XKR9: variants seen among roughly 807,000 people sequenced by gnomAD.
XKR9 encodes the protein XK related 9, also known as XK-related protein 9.
A neutral mutation model predicts 32.0 loss-of-function variants in XKR9; 32 were observed. That is an observed-to-expected ratio of 1.00 (90% CI 0.76 to 1.34). XKR9 has a LOEUF of 1.34. XKR9 is among the 40% of genes most tolerant of loss of function. XKR9 has a pLI of 0.00. For missense variants in XKR9, 546 were observed against 429.7 expected, an observed-to-expected ratio of 1.27 and a Z score of -2.39; for synonymous variants, 168 against 143.4, an observed-to-expected ratio of 1.17 and a Z score of -1.22.
chr8:71,026,943 A>G, the XKR9 span, among the ~76,000 whole-genome samples: 1 of 152,262 alleles, frequency 6.6e-6, no homozygotes, highest in Non-Finnish European at 1.5e-5. Context: ...GCATGACAAT[A>G]TTGAAAATGT....
chr8:70,861,632 G>T, the XKR9 span, among the ~76,000 whole-genome samples: 5 of 151,912 alleles, frequency 3.3e-5, no homozygotes, highest in African/African-American at 4.8e-5. Flanking sequence ...CTCTGGCCTG[G>T]GCAACAGAGT....
rs1807526498 is a variant in XKR9 at position 70,776,803 on chromosome 8, T to C, written n.353-12536T>C. ...GCCACCTTAAATTAAGAAATCTTTATAATTTTACTGATGCCTTTGATTACT... is the reference window on the plus strand; with the variant it reads ...GCCACCTTAAATTAAGAAATCTTTACAATTTTACTGATGCCTTTGATTACT... On this transcript the variant is annotated intron_variant and non_coding_transcript_variant, in intron 2 of 3. Coordinates refer to the XKR9 transcript ENST00000520273. Among the ~76,000 whole-genome samples the C allele has an allele frequency of 3.3e-5, 5 of 151,850 alleles. No individual in the cohort carries two copies. The South Asian group carries it at 1.0e-3, about 32-fold the overall frequency.
chr8:70,998,204 C>T, the XKR9 span, among the ~76,000 whole-genome samples: 9,071 of 152,196 alleles, frequency 0.06, 375 homozygotes, highest in Non-Finnish European at 0.084. Flanking sequence ...TTTTATCACC[C>T]GGTATATTTC....
the XKR9 span, among the ~76,000 whole-genome samples, chr8:70,836,546 T>C: frequency 6.6e-6 from 1 of 151,362 alleles, no homozygotes; most frequent in East Asian, 1.9e-4. Context: ...TATTTCATTA[T>C]ATAAATACAC....
the XKR9 span, among the ~76,000 whole-genome samples, chr8:70,863,214 A>T: frequency 2.0e-5 from 3 of 152,146 alleles, no homozygotes; most frequent in Non-Finnish European, 2.9e-5. Context: ...GAAGAAGAAG[A>T]AGGAGCAGCG....
chr8:70,937,334 G>T, the XKR9 span, among the ~76,000 whole-genome samples: 1 of 151,990 alleles, frequency 6.6e-6, no homozygotes, highest in Non-Finnish European at 1.5e-5. Context: ...GAACAAACAT[G>T]ATTTAACACA....
the XKR9 span, among the ~76,000 whole-genome samples, chr8:70,989,586 C>T: frequency 6.6e-6 from 1 of 152,168 alleles, no homozygotes; most frequent in African/African-American, 2.4e-5. Context: ...AATAGTAGAA[C>T]AGTGAATGAA....
chr8:70,891,245 C>T, the XKR9 span, among the ~76,000 whole-genome samples: 2 of 151,510 alleles, frequency 1.3e-5, no homozygotes, highest in Non-Finnish European at 3.0e-5. Flanking sequence ...AAGAAACCAA[C>T]TTTTTGTTTC....
the XKR9 span, among the ~76,000 whole-genome samples, chr8:70,922,021 G>C: frequency 6.6e-6 from 1 of 152,134 alleles, no homozygotes; most frequent in Non-Finnish European, 1.5e-5. Context: ...GAAAGGGAAG[G>C]GGGAGAAGAA....
rs1444586280 is a variant in XKR9, at chr8:70,780,598, A to G, written n.353-8741A>G. On this transcript the variant is annotated intron_variant and non_coding_transcript_variant, in intron 2 of 3. Coordinates refer to the XKR9 transcript ENST00000520273. ...CCCTAGAAGCTTGAAGAGGCAAGGA[A>G]GAATTCTTCCCTAGAACCTTCAGAG... Among the ~76,000 whole-genome samples the G allele has an allele frequency of 2.6e-5, 4 of 152,254 alleles. No individual in the cohort carries two copies. The East Asian group carries it at 5.8e-4, about 22-fold the overall frequency.
the XKR9 span, among the ~76,000 whole-genome samples, chr8:70,842,113 C>T: frequency 3.9e-5 from 6 of 152,194 alleles, no homozygotes; most frequent in African/African-American, 1.4e-4. Flanking sequence ...ACAGAGCTTC[C>T]TTTACTCTCT....
At chr8:70,701,358 T>C (rs1236581533) in intron 3 of XKR9, among the ~76,000 whole-genome samples, 1 of 152,194 alleles carries the variant, frequency 6.6e-6, no homozygotes, top group East Asian at 1.9e-4. Flanking sequence ...GCCTTGTTTT[T>C]CTTTGTTCTC....
rs553176434 is a variant in XKR9, at chr8:70,682,256, A to G, written c.272+926A>G. Among the ~76,000 whole-genome samples, 10 of 152,318 alleles carry G rather than the reference A, an allele frequency of 6.6e-5. No individual in the cohort carries two copies. The South Asian group carries it at 2.1e-3, about 32-fold the overall frequency. ...AGTAAAAGTGCTGATGAACAAATAC[A>G]TATGTAATAGGTAAGATTAAATGAG... On this transcript the variant is annotated intron_variant, in intron 3 of 4. Transcript: ENST00000408926.
the XKR9 span, among the ~76,000 whole-genome samples, chr8:70,844,176 C>T: frequency 1.3e-5 from 2 of 152,208 alleles, no homozygotes; most frequent in Non-Finnish European, 2.9e-5. Context: ...ACCCCCAGCC[C>T]CAGCAGTAGG....
At chr8:71,001,306 G>A in the XKR9 span, among the ~76,000 whole-genome samples, 1 of 152,034 alleles carries the variant, frequency 6.6e-6, no homozygotes, top group Non-Finnish European at 1.5e-5. Context: ...CCATCACCCA[G>A]GCTGGAGTAC....
intron 4 of XKR9, among the ~76,000 whole-genome samples, chr8:70,715,553 TC>T (rs1806059862): frequency 6.6e-6 from 1 of 152,128 alleles, no homozygotes; most frequent in South Asian, 2.1e-4. Context: ...TGCTTAATAT[TC>T]ATGTTATGAT....
chr8:70,939,513 C>G, the XKR9 span, among the ~76,000 whole-genome samples: 1 of 152,070 alleles, frequency 6.6e-6, no homozygotes, highest in African/African-American at 2.4e-5. Context: ...GAATTCTAGT[C>G]TTTGGAGTTT....
chr8:70,966,598 TG>T, the XKR9 span, among the ~76,000 whole-genome samples: 3 of 152,178 alleles, frequency 2.0e-5, no homozygotes, highest in African/African-American at 7.2e-5. Context: ...CTGTTGTTTT[TG>T]TTTTGGGTGG....
chr8:70,776,941 C>CTATA (rs1458539277), intron 2 of XKR9, among the ~76,000 whole-genome samples: 2 of 31,454 alleles, frequency 6.4e-5, no homozygotes, highest in South Asian at 8.7e-4. Flanking sequence ...CTCTCTCTCT[C>CTATA]TCTCTCTATA....
Sources: gnomAD v4.1 joint callset for allele counts (sites outside exome capture counted in the v4.1 genomes callset) on GRCh38, gnomAD v4.1.1 for gene constraint, MANE v1.5 for transcripts, NCBI Gene and HGNC (gene_info 2026-07-23, HGNC 2026-07-21) for gene names.